The following NALCN variants were observed in gnomAD, a reference collection of about 807,000 sequenced individuals.
NALCN encodes sodium leak channel, non-selective, also known as sodium leak channel NALCN.
Under a neutral mutation model 225.3 loss-of-function variants are expected in NALCN, and 111 were observed. That is an observed-to-expected ratio of 0.49 (90% CI 0.42 to 0.58). NALCN has a LOEUF of 0.58. Among genes scored for constraint, NALCN ranks in the 20% least tolerant of loss-of-function variants. NALCN has a pLI of 0.00. For missense variants in NALCN, 1,378 were observed against 2,202.4 expected, an observed-to-expected ratio of 0.63 and a Z score of 7.49; for synonymous variants, 764 against 769.0, an observed-to-expected ratio of 0.99 and a Z score of 0.11.
chr13:101,284,514 A>G (rs2043273978), intron 9 of NALCN, among the ~76,000 whole-genome samples: 2 of 152,184 alleles, frequency 1.3e-5, no homozygotes, highest in African/African-American at 2.4e-5. Flanking sequence ...CTGACCTAAT[A>G]AAAATATTCT....
At chr13:101,378,755 A>G (rs2046764525) in intron 3 of NALCN, 102 bp from the exon 4 acceptor site, 3 of 956,198 alleles carry the variant, frequency 3.1e-6, no homozygotes, top group African/African-American at 1.7e-5. Context: ...AGCTATCTAC[A>G]ATTTTTGTAT....
rs2045589132 is a variant in NALCN at position 101,342,525 on chromosome 13, T to C, written c.799+2741A>G. On this transcript the variant is annotated intron_variant, in intron 7 of 43. Transcript: ENST00000251127. ...ACAATCAGCCTTTGCTCTGATTCCCTGACTCAAATATGAGACAGTTGTGTT... is the reference window on the plus strand; with the variant it reads ...ACAATCAGCCTTTGCTCTGATTCCCCGACTCAAATATGAGACAGTTGTGTT... 3.3e-5 allele frequency among the ~76,000 whole-genome samples: 5 copies of C among 152,310 alleles called. No homozygotes were observed. In the South Asian group the frequency reaches 1.0e-3, roughly 32 times the overall value.
At chr13:101,161,246 C>G (rs1055943102) in intron 15 of NALCN, among the ~76,000 whole-genome samples, 2 of 152,204 alleles carry the variant, frequency 1.3e-5, no homozygotes, top group South Asian at 2.1e-4. Context: ...CCATCCTTCT[C>G]CCCTGAACTC....
intron 10 of NALCN, among the ~76,000 whole-genome samples, chr13:101,276,561 C>T (rs930657736): frequency 1.3e-5 from 2 of 152,166 alleles, no homozygotes; most frequent in African/African-American, 4.8e-5. Flanking sequence ...CAGATTGAAT[C>T]GTTTCCTTGC....
intron 13 of NALCN, among the ~76,000 whole-genome samples, chr13:101,216,392 A>G (rs1327964315): frequency 6.6e-6 from 1 of 152,134 alleles, no homozygotes; most frequent in Non-Finnish European, 1.5e-5. Flanking sequence ...TCAAAATCAG[A>G]AAAGTGATTC....
intron 7 of NALCN, among the ~76,000 whole-genome samples, chr13:101,319,310 T>C (rs1408549199): frequency 1.3e-5 from 2 of 152,200 alleles, no homozygotes; most frequent in Non-Finnish European, 2.9e-5. Context: ...CCACCTATTG[T>C]TCTTGGCCCC....
intron 10 of NALCN, among the ~76,000 whole-genome samples, chr13:101,282,652 C>T (rs1177342810): frequency 6.6e-6 from 1 of 152,082 alleles, no homozygotes; most frequent in African/African-American, 2.4e-5. Context: ...AGTGTTACCC[C>T]CCACCCCACA....
At chr13:101,360,382 A>G (rs1341907415) in intron 6 of NALCN, among the ~76,000 whole-genome samples, 2 of 151,902 alleles carry the variant, frequency 1.3e-5, no homozygotes, top group African/African-American at 2.4e-5. Flanking sequence ...ACAGGTGCAC[A>G]GTACCATTCC....
chr13:101,385,672 A>C (rs1208189616), intron 3 of NALCN, among the ~76,000 whole-genome samples: 1 of 152,150 alleles, frequency 6.6e-6, no homozygotes, highest in Non-Finnish European at 1.5e-5. Flanking sequence ...TTGTACCAGC[A>C]TTGTTTACCT....
intron 1 of NALCN, among the ~76,000 whole-genome samples, chr13:101,408,160 CT>C (rs1426300699): frequency 1.3e-5 from 2 of 152,152 alleles, no homozygotes; most frequent in Non-Finnish European, 2.9e-5. Flanking sequence ...CCTTTCAAGT[CT>C]TTGTAAATAG....
chr13:101,200,952 G>T (rs1411127526), intron 13 of NALCN, among the ~76,000 whole-genome samples: 2 of 152,148 alleles, frequency 1.3e-5, no homozygotes, highest in Non-Finnish European at 2.9e-5. Context: ...CAAATATTAA[G>T]AAAAAGTAGA....
At chr13:101,398,077 C>A (rs2047367118) in intron 2 of NALCN, among the ~76,000 whole-genome samples, 1 of 152,112 alleles carries the variant, frequency 6.6e-6, no homozygotes, top group Non-Finnish European at 1.5e-5. Flanking sequence ...GGAGCAGTTG[C>A]TGGACAGGTT....
intron 6 of NALCN, among the ~76,000 whole-genome samples, chr13:101,367,909 G>A (rs1011803090): frequency 2.0e-5 from 3 of 151,728 alleles, no homozygotes; most frequent in East Asian, 3.9e-4. Context: ...CTGCTTTCAC[G>A]GTTTGTCTTT....
At chr13:101,298,883 C>T (rs533937673) in intron 7 of NALCN, among the ~76,000 whole-genome samples, 1 of 152,338 alleles carries the variant, frequency 6.6e-6, no homozygotes, top group African/African-American at 2.4e-5. Context: ...AATTGAGAAA[C>T]ACTTTTCTAA....
At chr13:101,121,533 C>T (rs150592143) in intron 18 of NALCN, among the ~76,000 whole-genome samples, 19 of 152,222 alleles carry the variant, frequency 1.2e-4, no homozygotes, top group African/African-American at 4.6e-4. Context: ...ACTGCTGTTA[C>T]TTACCTCCCT....
At chr13:101,065,377 T>G (rs1325410421) in intron 40 of NALCN, 27 bp downstream of exon 40, 2 of 1,612,994 alleles carry the variant, frequency 1.2e-6, no homozygotes, top group Non-Finnish European at 1.7e-6. Context: ...TGGCCCCCAT[T>G]CAGCCCTGCG....
At chr13:101,372,762 C>T (rs2046576524) in intron 6 of NALCN, among the ~76,000 whole-genome samples, 1 of 151,826 alleles carries the variant, frequency 6.6e-6, no homozygotes, top group African/African-American at 2.4e-5. Flanking sequence ...TAAAAGATGT[C>T]TATATACCTT....
intron 39 of NALCN, 128 bp from the exon 40 acceptor site, chr13:101,065,689 C>T: frequency 8.9e-7 from 1 of 1,129,216 alleles, no homozygotes; most frequent in Middle Eastern, 2.8e-4. Flanking sequence ...GTGAAGAAAG[C>T]TGGTCACCTC....
At chr13:101,363,358 C>T (rs1473064799) in intron 6 of NALCN, among the ~76,000 whole-genome samples, 1 of 151,980 alleles carries the variant, frequency 6.6e-6, no homozygotes, top group African/African-American at 2.4e-5. Context: ...GCTATAGCAA[C>T]CAAACCAGCA....
Sources: allele counts gnomAD v4.1 joint callset (sites outside exome capture counted in the v4.1 genomes callset), GRCh38; gene constraint gnomAD v4.1.1; transcripts MANE v1.5; gene names NCBI Gene and HGNC (gene_info 2026-07-23, HGNC 2026-07-21).